The following ITPK1 variants were observed in gnomAD, a reference collection of about 807,000 sequenced individuals.
The protein encoded by ITPK1 is inositol 1,3,4-trisphosphate 5/6-kinase.
ITPK1 carries 21 observed loss-of-function variants against 45.3 expected under a neutral mutation model. That is an observed-to-expected ratio of 0.46 (90% CI 0.33 to 0.67). The LOEUF (loss-of-function observed/expected upper bound fraction) is 0.67. Among genes scored for constraint, ITPK1 ranks in the 30% least tolerant of loss-of-function variants. ITPK1 has a pLI of 0.02. For synonymous variants in ITPK1, 258 were observed against 253.6 expected, an observed-to-expected ratio of 1.02 and a Z score of -0.16; for missense variants, 474 against 573.5, an observed-to-expected ratio of 0.83 and a Z score of 1.77.
chr14:92,943,747 A>G (rs938503036), intron 10 of ITPK1, among the ~76,000 whole-genome samples: 22 of 152,236 alleles, frequency 1.4e-4, no homozygotes, highest in Admixed American at 4.6e-4. Flanking sequence ...ATGAACCTGC[A>G]GGGCAGGGTG....
intron 4 of ITPK1, among the ~76,000 whole-genome samples, chr14:92,996,754 T>A (rs78030354): frequency 0.036 from 5,468 of 152,224 alleles, 144 homozygotes; most frequent in Non-Finnish European, 0.056. Flanking sequence ...GGCACTTGGC[T>A]GTCCTCACTC....
chr14:93,102,658 G>A (rs1892366609), intron 2 of ITPK1, among the ~76,000 whole-genome samples: 1 of 151,512 alleles, frequency 6.6e-6, no homozygotes, highest in Non-Finnish European at 1.5e-5. Flanking sequence ...TAACAAAAAA[G>A]AAAAAGAAAA....
At chr14:92,953,957 G>C (rs996838577) in intron 8 of ITPK1, among the ~76,000 whole-genome samples, 3 of 152,142 alleles carry the variant, frequency 2.0e-5, no homozygotes, top group African/African-American at 7.2e-5. Flanking sequence ...GCTGTGGCCC[G>C]ATCTCGGCTC....
In ITPK1 at chr14:93,014,842, C is replaced by T. The variant is rs1452149360; in HGVS notation, c.246+1834G>A. On this transcript the variant is annotated intron_variant, in intron 4 of 10. Transcript: ENST00000267615. The surrounding 1 kb of genome is among the most constrained non-coding windows in gnomAD (Gnocchi z 4.4). ...GCGCTTTCGAGCAGGGCTTGGTAAG[C>T]GGTAACTGCTCTGCAGTGCTTTCTG... 6.6e-6 allele frequency among the ~76,000 whole-genome samples: 1 copy of T among 152,232 alleles called. No homozygotes were observed. Among genetic ancestry groups the T allele is most frequent in the African/African-American group, 2.4e-5 (1 of 41,462 alleles).
chr14:93,039,525 C>T (rs1325808423), intron 3 of ITPK1, among the ~76,000 whole-genome samples: 2 of 152,222 alleles, frequency 1.3e-5, no homozygotes, highest in African/African-American at 4.8e-5. Context: ...CCTGTGCCTG[C>T]TGGAGACTTT....
At position 93,034,907 on chromosome 14, in the gene ITPK1, G is replaced by A. The variant is rs1459558811; in HGVS notation, c.121-18106C>T. On this transcript the variant is annotated intron_variant, in intron 3 of 10. Transcript: ENST00000267615. The surrounding 1 kb of genome is among the most constrained non-coding windows in gnomAD (Gnocchi z 4.1). ...GTCCTGGCCCTCCCATCACCTATGG[G>A]GCCTGGCAGGCCTTCCCTTCTCCAG... Among the ~76,000 whole-genome samples the A allele has an allele frequency of 1.3e-5, 2 of 152,226 alleles. No homozygotes were observed. Among genetic ancestry groups the A allele is most frequent in the Admixed American group, 6.5e-5 (1 of 15,292 alleles).
chr14:93,037,494 C>T (rs1310828698), intron 3 of ITPK1, among the ~76,000 whole-genome samples: 3 of 152,188 alleles, frequency 2.0e-5, no homozygotes, highest in African/African-American at 7.2e-5. Flanking sequence ...TAGCCCCAGG[C>T]CCCAGCCACC....
At chr14:92,942,890 C>A (rs1319955411) in intron 10 of ITPK1, among the ~76,000 whole-genome samples, 1 of 152,224 alleles carries the variant, frequency 6.6e-6, no homozygotes, top group Non-Finnish European at 1.5e-5. Context: ...CCTGGGCTGT[C>A]CTCTGGGACA....
intron 2 of ITPK1, among the ~76,000 whole-genome samples, chr14:93,097,652 G>C (rs1478200205): frequency 6.6e-6 from 1 of 152,232 alleles, no homozygotes; most frequent in African/African-American, 2.4e-5. Flanking sequence ...GAATCAGAAA[G>C]GGAAGGAAGA....
intron 5 of ITPK1, among the ~76,000 whole-genome samples, chr14:92,992,960 G>A (rs2139807877): frequency 6.6e-6 from 1 of 152,358 alleles, no homozygotes; most frequent in East Asian, 1.9e-4. Context: ...ATAAATGGTG[G>A]TCTCAGACTC....
chr14:92,969,296 C>A (rs1191776292), intron 5 of ITPK1, among the ~76,000 whole-genome samples: 2 of 151,394 alleles, frequency 1.3e-5, no homozygotes, highest in African/African-American at 4.9e-5. Flanking sequence ...CTGGCCGGAG[C>A]TGGCAGGGAA....
chr14:93,009,424 T>C (rs759238342), intron 4 of ITPK1, among the ~76,000 whole-genome samples: 4 of 152,184 alleles, frequency 2.6e-5, no homozygotes, highest in Admixed American at 2.6e-4. Context: ...CCAACTGGGC[T>C]GCACAAAGTC....
At chr14:92,944,978 C>G (rs1300072919) in intron 10 of ITPK1, among the ~76,000 whole-genome samples, 1 of 152,258 alleles carries the variant, frequency 6.6e-6, no homozygotes, top group African/African-American at 2.4e-5. Flanking sequence ...TGTCCTCCAG[C>G]CTTCCTGCCC....
At chr14:93,081,806 A>T (rs1891446236) in intron 2 of ITPK1, among the ~76,000 whole-genome samples, 1 of 152,210 alleles carries the variant, frequency 6.6e-6, no homozygotes, top group African/African-American at 2.4e-5. Context: ...CGCAGGACAG[A>T]GGATAAAGGT....
At chr14:92,970,609 A>T (rs1885598086) in intron 5 of ITPK1, among the ~76,000 whole-genome samples, 1 of 151,362 alleles carries the variant, frequency 6.6e-6, no homozygotes, top group African/African-American at 2.4e-5. Flanking sequence ...TGGGGACAGG[A>T]TCAGCAGGAT....
In ITPK1 at chr14:93,060,368, GTT is replaced by G. The variant is rs563233043; in HGVS notation, c.120+16225_120+16226del. ...CCCTGGCTAATATGAAGAGGAACAC[GTT>G]CTGGGTCACCACACATACAGGGTCA... is the stretch of plus-strand genomic sequence containing the variant. On this transcript the variant is annotated intron_variant, in intron 3 of 10. Transcript: ENST00000267615. Among the ~76,000 whole-genome samples the G allele has an allele frequency of 1.3e-3, 203 of 152,278 alleles. 2 individuals are homozygous for G. The highest frequency in any genetic ancestry group is 4.7e-3 in the African/African-American group (194 of 41,552).
At chr14:93,107,460 C>A (rs114481039) in intron 2 of ITPK1, among the ~76,000 whole-genome samples, 209 of 152,298 alleles carry the variant, frequency 1.4e-3, no homozygotes, top group African/African-American at 4.8e-3. Context: ...AAGATTCTGA[C>A]GGCGAGAGAG....
intron 4 of ITPK1, among the ~76,000 whole-genome samples, chr14:93,006,527 C>G (rs989664401): frequency 2.0e-5 from 3 of 152,200 alleles, no homozygotes; most frequent in Non-Finnish European, 4.4e-5. Context: ...CTGTGGCCTG[C>G]AGGTCACAGG....
chr14:93,001,965 G>T (rs867100827), intron 4 of ITPK1, among the ~76,000 whole-genome samples: 2 of 152,174 alleles, frequency 1.3e-5, no homozygotes. Flanking sequence ...CACCACGCAC[G>T]GGTCACAGAC....
Sources: allele counts gnomAD v4.1 joint callset (sites outside exome capture counted in the v4.1 genomes callset), GRCh38; gene constraint gnomAD v4.1.1; non-coding constraint Gnocchi (gnomAD v3.1); transcripts MANE v1.5; gene names NCBI Gene and HGNC (gene_info 2026-07-23, HGNC 2026-07-21).